Variants in JAK2 observed in about 807,000 individuals in gnomAD.
JAK2 encodes the protein Janus kinase 2, also known as tyrosine-protein kinase JAK2.
Under a neutral mutation model 139.3 loss-of-function variants are expected in JAK2, and 86 were observed. The observed-to-expected ratio is 0.62, with a 90% confidence interval of 0.52 to 0.74. The LOEUF is 0.74. Ranked by LOEUF, JAK2 falls within the 30% of genes least tolerant of loss-of-function variation. JAK2 has a pLI of 0.00. For missense variants in JAK2, 1,421 were observed against 1,360.3 expected, an observed-to-expected ratio of 1.04 and a Z score of -0.70; for synonymous variants, 490 against 437.7, an observed-to-expected ratio of 1.12 and a Z score of -1.49.
In JAK2 at chr9:5,034,844, A is replaced by G. The variant is rs564231146; in HGVS notation, c.350+4938A>G. On this transcript the variant is annotated intron_variant, in intron 4 of 24. Transcript: ENST00000381652. The stretch of plus-strand genomic sequence containing the variant: ...TAAAAGAACTAGAAAACCAAGAGCA[A>G]ACACATTCAAAAGCTAGCAGAAGGC... Among the ~76,000 whole-genome samples the G allele has an allele frequency of 1.9e-3, 297 of 152,324 alleles. 1 individual carries two copies. The highest frequency in any genetic ancestry group is 6.0e-3 in the African/African-American group (251 of 41,578).
intron 3 of JAK2, 46 bp from the exon 4 acceptor site, chr9:5,029,736 AT>A: frequency 6.6e-7 from 1 of 1,504,192 alleles, no homozygotes; most frequent in Non-Finnish European, 9.0e-7. Flanking sequence ...ATGTAAAAAT[AT>A]TCTGTTGTGT....
intron 9 of JAK2, 91 bp downstream of exon 9, chr9:5,065,131 A>C (rs1050164414): frequency 2.7e-6 from 2 of 746,746 alleles, no homozygotes; most frequent in African/African-American, 1.8e-5. Context: ...GTATGTTTAG[A>C]AAAAAATAAT....
intron 22 of JAK2, chr9:5,091,706 T>C (rs1820587042): frequency 6.6e-6 from 1 of 152,210 alleles, no homozygotes. Flanking sequence ...ACTTTTCTAG[T>C]CAAACTGGGT....
At chr9:5,029,720 G>C (rs1198006618) in intron 3 of JAK2, 63 bp from the exon 4 acceptor site, 1 of 1,371,948 alleles carries the variant, frequency 7.3e-7, no homozygotes, top group Non-Finnish European at 9.8e-7. Flanking sequence ...TCAAATTATA[G>C]GTGCTATGTA....
chr9:5,056,370 C>G (rs983847671), intron 8 of JAK2, among the ~76,000 whole-genome samples: 1 of 151,974 alleles, frequency 6.6e-6, no homozygotes, highest in African/African-American at 2.4e-5. Context: ...CATTTATCTT[C>G]TCTGTCTTCT....
chr9:5,051,555 G>A (rs1817416747), intron 6 of JAK2, among the ~76,000 whole-genome samples: 1 of 152,074 alleles, frequency 6.6e-6, no homozygotes, highest in Admixed American at 6.5e-5. Flanking sequence ...TATACAAATG[G>A]TCCAAACTCT....
chr9:5,038,254 CAG>C (rs1383835639), intron 4 of JAK2, among the ~76,000 whole-genome samples: 2 of 152,028 alleles, frequency 1.3e-5, no homozygotes, highest in African/African-American at 2.4e-5. Flanking sequence ...AAAGAAAGAA[CAG>C]AAAGTTTGAA....
At chr9:5,110,783 C>A (rs1822417776) in intron 22 of JAK2, 1 of 401,484 alleles carries the variant, frequency 2.5e-6, no homozygotes, top group Non-Finnish European at 4.8e-6. Context: ...GTGGTAAGGG[C>A]CCGGGCCACG....
rs773187543 is a variant in JAK2 at position 5,090,581 on chromosome 9, T to C, written c.2886+11T>C. 1.1e-5 allele frequency: 17 copies of C among 1,558,766 alleles called. No individual in the cohort carries two copies. The highest frequency in any genetic ancestry group is 1.4e-5 in the African/African-American group (1 of 72,514). On this transcript the variant is annotated intron_variant, in intron 21 of 24. Coordinates refer to ENST00000381652, the MANE Select transcript of JAK2 (RefSeq NM_004972.4). Reference sequence around the variant, plus strand: ...TCTCAGATATGCAAGGTAACTAATATCCTGATTATTTGCTGTAGATGAAGC... The same window carrying C: ...TCTCAGATATGCAAGGTAACTAATACCCTGATTATTTGCTGTAGATGAAGC...
chr9:5,060,960 T>C (rs934197056), intron 8 of JAK2, among the ~76,000 whole-genome samples: 1 of 152,222 alleles, frequency 6.6e-6, no homozygotes, highest in Non-Finnish European at 1.5e-5. Flanking sequence ...GAAAATAACA[T>C]GAATATCCTT....
upstream of JAK2, chr9:4,985,095 G>C (rs963157280): frequency 3.3e-5 from 5 of 152,332 alleles, no homozygotes; most frequent in African/African-American, 1.2e-4. Context: ...CATTCGGGGA[G>C]ACTGCAGGCC....
intron 8 of JAK2, among the ~76,000 whole-genome samples, chr9:5,057,756 T>TATC (rs1408787523): frequency 1.3e-5 from 2 of 152,004 alleles, no homozygotes; most frequent in East Asian, 3.9e-4. Flanking sequence ...TAATTTTTTG[T>TATC]ATCTTTAGTA....
At chr9:5,035,147 T>A (rs193072990) in intron 4 of JAK2, among the ~76,000 whole-genome samples, 67 of 152,286 alleles carry the variant, frequency 4.4e-4, no homozygotes, top group African/African-American at 1.5e-3. Flanking sequence ...AATGGATAAA[T>A]TCCTGGACAC....
intron 4 of JAK2, among the ~76,000 whole-genome samples, chr9:5,043,260 T>C (rs887343237): frequency 1.3e-5 from 2 of 151,706 alleles, no homozygotes; most frequent in East Asian, 3.9e-4. Flanking sequence ...TGTACGGAAA[T>C]GGCGTTTACG....
chr9:5,094,956 AC>A (rs1303389427), intron 22 of JAK2: 1 of 152,160 alleles, frequency 6.6e-6, no homozygotes. Flanking sequence ...CCTACCACTT[AC>A]ATTAGCATTC....
rs1257413390 is a variant in JAK2 at position 5,054,074 on chromosome 9, G to T, written c.615-489G>T. Among the ~76,000 whole-genome samples, 1 of 151,984 alleles carries T rather than the reference G, an allele frequency of 6.6e-6. No homozygotes were observed. Among genetic ancestry groups the T allele is most frequent in the African/African-American group, 2.4e-5 (1 of 41,428 alleles). The stretch of plus-strand genomic sequence containing the variant: ...AAGGAATTATTAGGAGTTGAAGCTG[G>T]CCTAACAAAATAATATACAGAAGTA... On this transcript the variant is annotated intron_variant, in intron 6 of 24. Coordinates refer to ENST00000381652, the MANE Select transcript of JAK2 (RefSeq NM_004972.4). This position sits in a 1 kb window ranked among gnomAD's most constrained non-coding sequence, Gnocchi z 4.9.
intron 23 of JAK2, 89 bp from the exon 24 acceptor site, chr9:5,126,243 TA>T: frequency 1.2e-6 from 1 of 837,286 alleles, no homozygotes. Flanking sequence ...ACACATATAC[TA>T]AATTTTTTCC....
At chr9:5,022,559 T>C (rs897381248) in intron 3 of JAK2, among the ~76,000 whole-genome samples, 1 of 152,270 alleles carries the variant, frequency 6.6e-6, no homozygotes, top group Non-Finnish European at 1.5e-5. Context: ...AAATTAATGT[T>C]TTGAAATATG....
chr9:5,028,867 T>C (rs1822954310), intron 3 of JAK2, among the ~76,000 whole-genome samples: 1 of 152,380 alleles, frequency 6.6e-6, no homozygotes, highest in South Asian at 2.1e-4. Context: ...CTTGAGGGAA[T>C]ATTGTGGCTG....
Sources: gnomAD v4.1 joint callset for allele counts (sites outside exome capture counted in the v4.1 genomes callset) on GRCh38, gnomAD v4.1.1 for gene constraint, Gnocchi (gnomAD v3.1) non-coding constraint, MANE v1.5 for transcripts, NCBI Gene and HGNC (gene_info 2026-07-23, HGNC 2026-07-21) for gene names.